RYR2: variants seen among roughly 807,000 people sequenced by gnomAD.
The protein encoded by RYR2 is cardiac muscle ryanodine receptor-calcium release channel.
RYR2 carries 227 observed loss-of-function variants against 601.1 expected under a neutral mutation model. The observed-to-expected ratio is 0.38, with a 90% CI of 0.34 to 0.42. The LOEUF (loss-of-function observed/expected upper bound fraction) is 0.42. Ranked by LOEUF, RYR2 falls within the 10% of genes least tolerant of loss-of-function variation. The probability of loss-of-function intolerance (pLI) is 1.00; values close to 1 mark genes in which losing one functional copy is unlikely to be tolerated. For synonymous variants in RYR2, 2,223 were observed against 2,175.1 expected (o/e 1.02, Z -0.61); for missense variants, 4,646 against 6,156.5 (o/e 0.75, Z 8.21).
At chr1:237,289,653 T>A (rs1001701176) in intron 2 of RYR2, among the ~76,000 whole-genome samples, 13 of 151,546 alleles carry the variant, frequency 8.6e-5, no homozygotes, top group African/African-American at 3.1e-4. Context: ...CCATGACATG[T>A]GGGAATTATG....
chr1:237,298,541 G>T (rs1227558292), intron 2 of RYR2, among the ~76,000 whole-genome samples: 1 of 151,964 alleles, frequency 6.6e-6, no homozygotes, highest in African/African-American at 2.4e-5. Context: ...TTTACTTAGG[G>T]TGTCAAAATC....
At position 237,819,537 on chromosome 1, in the gene RYR2, AG is replaced by A. The variant is rs1479387498; in HGVS notation, c.14590+346del. Among the ~76,000 whole-genome samples, 3 of 152,162 alleles carry A rather than the reference AG, an allele frequency of 2.0e-5. No individual in the cohort carries two copies. The highest frequency in any genetic ancestry group is 4.4e-5 in the Non-Finnish European group (3 of 68,018). ...ATTTAACCCTTTAAACTTCTAAGCC[AG>A]CTGGGTGCGGTGGCTCATGCCTGTA... is the stretch of plus-strand genomic sequence containing the variant. On this transcript the variant is annotated intron_variant, in intron 101 of 104. Transcript: ENST00000366574. This position sits in a 1 kb window ranked among gnomAD's most constrained non-coding sequence, Gnocchi z 4.0.
At chr1:237,782,099 A>C (rs1338037883) in intron 89 of RYR2, among the ~76,000 whole-genome samples, 1 of 151,346 alleles carries the variant, frequency 6.6e-6, no homozygotes, top group Non-Finnish European at 1.5e-5. Context: ...GGCAGCTGGC[A>C]GTGGTAGTCT....
At chr1:237,641,933 T>G (rs1406923232) in intron 47 of RYR2, among the ~76,000 whole-genome samples, 1 of 152,246 alleles carries the variant, frequency 6.6e-6, no homozygotes, top group Non-Finnish European at 1.5e-5. Context: ...TGATATTTTG[T>G]TCTTTATTTT....
In RYR2 at chr1:237,454,381, T is replaced by C. The variant is rs146988558; in HGVS notation, c.1293-10T>C. 2 of 1,583,856 alleles carry C rather than the reference T, an allele frequency of 1.3e-6. No individual in the cohort carries two copies. Among genetic ancestry groups the C allele is most frequent in the African/African-American group, 2.7e-5 (2 of 73,298 alleles). On this transcript the variant is annotated splice_polypyrimidine_tract_variant and intron_variant, in intron 14 of 104. Coordinates refer to ENST00000366574, the MANE Select transcript of RYR2 (RefSeq NM_001035.3). ...ACTGACAATAGAGAAATGTTTATGGTTTATTTTAGGGGCCTTGATGCTCTC... is the reference window on the plus strand; with the variant it reads ...ACTGACAATAGAGAAATGTTTATGGCTTATTTTAGGGGCCTTGATGCTCTC...
chr1:237,708,900 T>C lies in RYR2; in HGVS notation c.9944T>C (p.Leu3315Ser). The C allele has an allele frequency of 6.2e-7, 1 of 1,612,090 alleles. No homozygotes were observed. The highest frequency in any genetic ancestry group is 8.5e-7 in the Non-Finnish European group (1 of 1,178,530). Residue 3315 changes from leucine (L) to serine (S), a missense_variant, in exon 69 of 105, where the codon TTG becomes TCG. This residue lies in a region of RYR2 where 1,497 missense variants were observed against 1,842.6 expected (regional missense o/e 0.81). Transcript: ENST00000366574. ...PIINKVKPQL[L>S]KTHFLPLMEK... ...ATAAATAAAGTGAAACCTCAGCTCT[T>C]GAAAACTCATTTCTTGCCGTTAATG...
chr1:237,338,550 G>A (rs1049915623), intron 3 of RYR2, among the ~76,000 whole-genome samples: 3 of 152,152 alleles, frequency 2.0e-5, no homozygotes, highest in African/African-American at 7.2e-5. Context: ...ATCTTCCTAA[G>A]CCATGAATAC....
At chr1:237,311,309 T>C (rs1694538907) in intron 2 of RYR2, among the ~76,000 whole-genome samples, 1 of 152,158 alleles carries the variant, frequency 6.6e-6, no homozygotes, top group African/African-American at 2.4e-5. Context: ...ATCAGGAAGG[T>C]ATATATGAAT....
In RYR2 at chr1:237,625,711, A is replaced by G; in HGVS notation, c.6073A>G (p.Ile2025Val). The stretch of plus-strand genomic sequence containing the variant: ...TCTGGATGGAAACAGTGATTTAACA[A>G]TTAGAGGGCGTCTGCTATCCCTGGT... ...GSLDGNSDLT[I>V]RGRLLSLVEK... is the part of the protein sequence containing the mutation. The change falls in exon 40 of 105, where the codon ATT (isoleucine) becomes GTT (valine). Residue 2025 changes from isoleucine to valine, a missense_variant. Transcript: ENST00000366574. 2 of 1,613,798 alleles carry G rather than the reference A, an allele frequency of 1.2e-6. No homozygotes were observed. The highest frequency in any genetic ancestry group is 8.5e-7 in the Non-Finnish European group (1 of 1,179,840).
chr1:237,707,234 G>A lies in RYR2; in HGVS notation c.9866G>A (p.Gly3289Glu). 4 of 1,560,138 alleles carry A rather than the reference G, an allele frequency of 2.6e-6. No homozygotes were observed. The highest frequency in any genetic ancestry group is 3.5e-6 in the Non-Finnish European group (4 of 1,144,640). The change falls in exon 68 of 105, where the codon GGG (glycine) becomes GAG (glutamate). Residue 3289 changes from glycine to glutamate, a missense_variant. Around this residue, in one of 17 missense-constraint regions of RYR2, gnomAD observed 1,497 missense variants for 1,842.6 expected, o/e 0.81. Coordinates refer to ENST00000366574, the MANE Select transcript of RYR2 (RefSeq NM_001035.3). ...TTGAAAATCATATATAATAACTTGG[G>A]GATTGATGAGGGAGCCTGGATGAAG... ...NILKIIYNNLGIDEGAWMKRL... is the reference protein window; with the variant it reads ...NILKIIYNNLEIDEGAWMKRL...
chr1:237,484,438 C>T (rs771888409), intron 17 of RYR2, among the ~76,000 whole-genome samples: 1 of 152,164 alleles, frequency 6.6e-6, no homozygotes, highest in South Asian at 2.1e-4. Flanking sequence ...GGAGCACCAG[C>T]GTCATGGCTT....
intron 10 of RYR2, among the ~76,000 whole-genome samples, chr1:237,403,161 T>A (rs536734060): frequency 7.9e-4 from 121 of 152,212 alleles, no homozygotes; most frequent in African/African-American, 2.8e-3. Context: ...ATTGACTAAC[T>A]ATATTAAGCT....
intron 1 of RYR2, among the ~76,000 whole-genome samples, chr1:237,188,601 T>A (rs1679623732): frequency 6.6e-6 from 1 of 152,172 alleles, no homozygotes; most frequent in African/African-American, 2.4e-5. Context: ...TTTCACTCTT[T>A]GTTGCCCAGG....
chr1:237,462,842 G>A (rs1011181741), intron 16 of RYR2, among the ~76,000 whole-genome samples: 18 of 152,062 alleles, frequency 1.2e-4, no homozygotes, highest in African/African-American at 4.1e-4. Flanking sequence ...TAGATAGTTC[G>A]ATCTTGTTCT....
chr1:237,504,708 C>T (rs1175554621), intron 22 of RYR2, among the ~76,000 whole-genome samples: 1 of 152,172 alleles, frequency 6.6e-6, no homozygotes. Context: ...GGGTAATGTA[C>T]TGCACTTGAA....
intron 27 of RYR2, among the ~76,000 whole-genome samples, chr1:237,563,638 T>C (rs1030510188): frequency 6.6e-6 from 1 of 152,084 alleles, no homozygotes; most frequent in Non-Finnish European, 1.5e-5. Context: ...CTGCAATATA[T>C]TCTCCATGTA....
intron 10 of RYR2, among the ~76,000 whole-genome samples, chr1:237,410,656 G>A (rs923691903): frequency 4.6e-5 from 7 of 152,074 alleles, no homozygotes; most frequent in African/African-American, 9.7e-5. Flanking sequence ...TCGCAAAACC[G>A]AAAATATTTA....
At chr1:237,478,164 G>C (rs1661615260) in intron 17 of RYR2, among the ~76,000 whole-genome samples, 1 of 152,168 alleles carries the variant, frequency 6.6e-6, no homozygotes. Context: ...ATCAGAAATG[G>C]CAGCTCATTT....
At chr1:237,074,916 T>C (rs553221349) in intron 1 of RYR2, among the ~76,000 whole-genome samples, 3 of 152,232 alleles carry the variant, frequency 2.0e-5, no homozygotes, top group Admixed American at 6.5e-5. Flanking sequence ...TATGTCTAGG[T>C]AGAAATACTG....
Sources: allele counts gnomAD v4.1 joint callset (sites outside exome capture counted in the v4.1 genomes callset), GRCh38; gene constraint gnomAD v4.1.1; regional missense constraint gnomAD v4.1.1; non-coding constraint Gnocchi (gnomAD v3.1); transcripts MANE v1.5; gene names NCBI Gene and HGNC (gene_info 2026-07-23, HGNC 2026-07-21).